The following TFDP2 variants were observed in gnomAD, a reference collection of about 807,000 sequenced individuals.
TFDP2 encodes the protein transcription factor Dp-2 (E2F dimerization partner 2).
Under a neutral mutation model 59.3 loss-of-function variants are expected in TFDP2, and 17 were observed. The observed-to-expected ratio is 0.29, with a 90% CI of 0.20 to 0.43. The LOEUF (loss-of-function observed/expected upper bound fraction) is 0.43. Among genes scored for constraint, TFDP2 ranks in the 20% least tolerant of loss-of-function variants. The pLI is 1.00. For synonymous variants in TFDP2, 180 were observed against 194.7 expected (o/e 0.92, Z 0.63); for missense variants, 391 against 528.8 (o/e 0.74, Z 2.56).
intron 1 of TFDP2, among the ~76,000 whole-genome samples, chr3:142,111,887 G>A (rs1030840044): frequency 3.3e-5 from 5 of 152,204 alleles, no homozygotes; most frequent in South Asian, 2.1e-4. Flanking sequence ...ACAACATAGC[G>A]AAACCCCATC....
At chr3:142,013,852 AT>A (rs11354768) in intron 3 of TFDP2, among the ~76,000 whole-genome samples, 114,502 of 151,612 alleles carry the variant, frequency 0.76, 43,257 homozygotes, top group South Asian at 0.8. Flanking sequence ...ATGAAAAAAA[AT>A]ATCCAGTTAC....
chr3:142,016,690 C>T (rs4683659), intron 3 of TFDP2, among the ~76,000 whole-genome samples: 10,596 of 152,188 alleles, frequency 0.07, 474 homozygotes, highest in Non-Finnish European at 0.11. Flanking sequence ...TTCACCTGTC[C>T]CTTCATAGTA....
At chr3:142,123,351 G>C (rs2062119733) in intron 1 of TFDP2, among the ~76,000 whole-genome samples, 1 of 152,020 alleles carries the variant, frequency 6.6e-6, no homozygotes, top group Non-Finnish European at 1.5e-5. Context: ...AGCCAGGATG[G>C]TCTCGATCTC....
intron 8 of TFDP2, among the ~76,000 whole-genome samples, chr3:141,970,827 C>T (rs565051086): frequency 9.7e-4 from 148 of 151,936 alleles, no homozygotes; most frequent in Non-Finnish European, 1.7e-3. Flanking sequence ...TTTGGGAGGC[C>T]GAGGGGGGAG....
In TFDP2 at chr3:141,969,139, C is replaced by CT. The variant is rs1559942159; in HGVS notation, c.732+933_732+934insA. Among the ~76,000 whole-genome samples the CT allele has an allele frequency of 6.1e-3, 461 of 75,306 alleles. 97 individuals carry two copies. Among genetic ancestry groups the CT allele is most frequent in the Non-Finnish European group, 8.8e-3 (376 of 42,958 alleles). 49.4% of individuals were successfully genotyped at this position (75,306 alleles called of 152,430 possible). On this transcript the variant is annotated intron_variant, in intron 9 of 12. Transcript: ENST00000489671. ...TGAGATATATATATAACATATATAT[C>CT]CCATATATATGAGATATATATATAA... is the stretch of plus-strand genomic sequence containing the variant.
chr3:142,076,597 A>G (rs1049163349), intron 3 of TFDP2, among the ~76,000 whole-genome samples: 1 of 152,224 alleles, frequency 6.6e-6, no homozygotes, highest in African/African-American at 2.4e-5. Context: ...TCTTCCCTAT[A>G]TATATAGATG....
intron 8 of TFDP2, 105 bp from the exon 9 acceptor site, chr3:141,970,246 G>A (rs11569249): frequency 0.091 from 96,886 of 1,061,988 alleles, 4,965 homozygotes; most frequent in Non-Finnish European, 0.11. Flanking sequence ...TAGAGAAACT[G>A]AACCCATTTT....
intron 3 of TFDP2, among the ~76,000 whole-genome samples, chr3:142,070,397 C>A (rs1329599297): frequency 5.9e-5 from 9 of 152,204 alleles, no homozygotes; most frequent in Non-Finnish European, 1.0e-4. Context: ...CCTGCCTCAG[C>A]CTCCCAAACA....
intron 1 of TFDP2, among the ~76,000 whole-genome samples, chr3:142,132,856 AGAT>A (rs1455072203): frequency 3.3e-5 from 5 of 149,906 alleles, no homozygotes; most frequent in African/African-American, 7.6e-5. Context: ...AACTAAAAGA[AGAT>A]GAACAATAGA....
chr3:142,052,504 G>A (rs149365503), intron 3 of TFDP2, among the ~76,000 whole-genome samples: 108 of 152,054 alleles, frequency 7.1e-4, no homozygotes, highest in African/African-American at 1.8e-3. Context: ...GAGATCGAGC[G>A]GAGATCAGCC....
chr3:141,983,808 G>A (rs185278578), intron 6 of TFDP2, among the ~76,000 whole-genome samples: 2 of 151,966 alleles, frequency 1.3e-5, no homozygotes, highest in Admixed American at 1.3e-4. Flanking sequence ...AACTGAAAAC[G>A]AGAAAGTGTT....
intron 9 of TFDP2, among the ~76,000 whole-genome samples, chr3:141,966,962 G>C (rs1938177637): frequency 1.4e-5 from 2 of 147,808 alleles, no homozygotes; most frequent in Non-Finnish European, 1.5e-5. Flanking sequence ...TGTTGCCCAG[G>C]CTGGAGTGCA....
intron 4 of TFDP2, among the ~76,000 whole-genome samples, chr3:142,002,003 T>G (rs1576652547): frequency 6.6e-6 from 1 of 150,852 alleles, no homozygotes; most frequent in Non-Finnish European, 1.5e-5. Flanking sequence ...TTTTTTTTTT[T>G]TTTTTGTCTG....
chr3:142,113,838 C>G (rs905583887), intron 1 of TFDP2, among the ~76,000 whole-genome samples: 4 of 152,132 alleles, frequency 2.6e-5, no homozygotes, highest in African/African-American at 9.7e-5. Context: ...TCAGCGTCAT[C>G]ATGGTATTTA....
At chr3:141,973,123 A>ATATATATATATATATTTTTTTTTTT in intron 8 of TFDP2, among the ~76,000 whole-genome samples, 7 of 58,008 alleles carry the variant, frequency 1.2e-4, no homozygotes, top group Non-Finnish European at 2.2e-4. Flanking sequence ...ATATATATAT[A>ATATATATATATATATTTTTTTTTTT]TTTTTTTTTT....
intron 3 of TFDP2, among the ~76,000 whole-genome samples, chr3:142,074,528 T>G (rs762101423): frequency 6.6e-6 from 1 of 150,822 alleles, no homozygotes; most frequent in Non-Finnish European, 1.5e-5. Context: ...ACCTGGGCAA[T>G]AGAGCAAGAC....
At chr3:142,012,015 C>CTTTTT (rs1248723479) in intron 3 of TFDP2, among the ~76,000 whole-genome samples, 5 of 138,220 alleles carry the variant, frequency 3.6e-5, no homozygotes, top group African/African-American at 8.0e-5. Context: ...TTCTTTCTTT[C>CTTTTT]TTTTTTTTTT....
At chr3:142,135,473 G>A (rs542697844) in intron 1 of TFDP2, among the ~76,000 whole-genome samples, 1 of 151,778 alleles carries the variant, frequency 6.6e-6, no homozygotes, top group Non-Finnish European at 1.5e-5. Flanking sequence ...TGTTACACAG[G>A]TATACATGTG....
chr3:141,991,282 T>G (rs760281941), intron 6 of TFDP2, among the ~76,000 whole-genome samples: 1 of 152,206 alleles, frequency 6.6e-6, no homozygotes, highest in African/African-American at 2.4e-5. Context: ...CTTAAATGTA[T>G]AGTATTGTAT....
Sources: allele counts gnomAD v4.1 joint callset (sites outside exome capture counted in the v4.1 genomes callset), GRCh38; gene constraint gnomAD v4.1.1; transcripts MANE v1.5; gene names NCBI Gene and HGNC (gene_info 2026-07-23, HGNC 2026-07-21).